SECISBP2L: variants seen among roughly 807,000 people sequenced by gnomAD.
SECISBP2L encodes the protein SECIS binding protein 2 like, also known as selenocysteine insertion sequence-binding protein 2-like.
In SECISBP2L, 43 loss-of-function variants were observed where a neutral mutation model predicts 114.7. The observed-to-expected ratio is 0.38, with a 90% confidence interval of 0.29 to 0.48. SECISBP2L has a LOEUF of 0.48. SECISBP2L is among the 20% of genes least tolerant of loss of function. The probability of loss-of-function intolerance (pLI) is 0.98; values close to 1 mark genes in which losing one functional copy is unlikely to be tolerated. For synonymous variants in SECISBP2L, 451 were observed against 439.7 expected, an observed-to-expected ratio of 1.03 and a Z score of -0.32; for missense variants, 1,136 against 1,301.1, an observed-to-expected ratio of 0.87 and a Z score of 1.95.
chr15:49,014,246 A>T (rs1333077091), intron 11 of SECISBP2L, among the ~76,000 whole-genome samples: 1 of 152,132 alleles, frequency 6.6e-6, no homozygotes, highest in African/African-American at 2.4e-5. Context: ...CTGTAACATT[A>T]CACTCCTTTA....
In SECISBP2L at chr15:49,028,715, G is replaced by C. The variant is rs750393773; in HGVS notation, c.665-33C>G. The C allele has an allele frequency of 8.6e-6, 13 of 1,512,278 alleles. 1 individual carries two copies. In the South Asian group the frequency reaches 1.2e-4, roughly 14 times the overall value. The allele number at this position is 1,512,278 out of a possible 1,614,324, so 93.7% of individuals were successfully genotyped here. ...GGCAAGGAAAGTTTGACAATTCTTT[G>C]TGATGAACAAATTGATAAATTCTCA... On this transcript the variant is annotated intron_variant, in intron 4 of 17. Coordinates refer to ENST00000559471, the MANE Select transcript of SECISBP2L (RefSeq NM_001193489.2).
intron 13 of SECISBP2L, among the ~76,000 whole-genome samples, chr15:49,009,768 C>T (rs1163701426): frequency 6.6e-6 from 1 of 151,982 alleles, no homozygotes; most frequent in African/African-American, 2.4e-5. Context: ...GAAGTCTCCA[C>T]AGGGATGAGG....
At chr15:49,046,055 G>T (rs1309769013) in intron 1 of SECISBP2L, among the ~76,000 whole-genome samples, 3 of 152,182 alleles carry the variant, frequency 2.0e-5, no homozygotes, top group Non-Finnish European at 1.5e-5. Context: ...CGGCAACGGC[G>T]AGCCCTCCGC....
chr15:49,035,754 A>G, intron 2 of SECISBP2L, 96 bp from the exon 3 acceptor site: 1 of 1,097,568 alleles, frequency 9.1e-7, no homozygotes, highest in Non-Finnish European at 1.3e-6. Context: ...AAGACAAAAC[A>G]GAACAGTGGC....
intron 1 of SECISBP2L, among the ~76,000 whole-genome samples, chr15:49,040,686 C>T (rs2141088499): frequency 6.6e-6 from 1 of 151,152 alleles, no homozygotes; most frequent in East Asian, 1.9e-4. Flanking sequence ...CAGGCGCCCA[C>T]CATCACGCCC....
intron 7 of SECISBP2L, among the ~76,000 whole-genome samples, chr15:49,025,325 T>C (rs1447962260): frequency 6.6e-6 from 1 of 152,192 alleles, no homozygotes; most frequent in Non-Finnish European, 1.5e-5. Flanking sequence ...CAGAAGTGTT[T>C]TGAATTTCAG....
intron 1 of SECISBP2L, among the ~76,000 whole-genome samples, chr15:49,045,531 C>T (rs1038403977): frequency 8.5e-5 from 13 of 152,268 alleles, no homozygotes; most frequent in Non-Finnish European, 1.8e-4. Context: ...ACTTTTAACA[C>T]TGTTATCATC....
At chr15:49,027,736 G>C (rs772276781) in intron 6 of SECISBP2L, among the ~76,000 whole-genome samples, 5 of 151,682 alleles carry the variant, frequency 3.3e-5, no homozygotes, top group Non-Finnish European at 7.4e-5. Flanking sequence ...AGCCTCCCAA[G>C]TAGCTGGGAT....
chr15:49,019,983 T>C (rs777834695), intron 7 of SECISBP2L, among the ~76,000 whole-genome samples: 9 of 152,158 alleles, frequency 5.9e-5, no homozygotes, highest in Non-Finnish European at 1.2e-4. Flanking sequence ...CCAAAAAGAC[T>C]GTATGAAGGC....
intron 1 of SECISBP2L, among the ~76,000 whole-genome samples, chr15:49,044,837 A>T (rs1011476475): frequency 3.9e-5 from 6 of 152,176 alleles, no homozygotes; most frequent in African/African-American, 1.4e-4. Flanking sequence ...GGATGAAAGG[A>T]ACTCTAAGTA....
chr15:49,022,437 T>C lies in SECISBP2L; in HGVS notation c.1036-2885A>G, dbSNP rs896975915. On this transcript the variant is annotated intron_variant, in intron 7 of 17. Transcript: ENST00000559471. ...CAACATGGTGAAACCTGGTCTCTAC[T>C]GAAATACAAAAATTAGCCACGTGTG... Among the ~76,000 whole-genome samples the C allele has an allele frequency of 4.6e-5, 7 of 152,254 alleles. No homozygotes were observed. The East Asian group carries it at 1.4e-3, about 29-fold the overall frequency.
rs752363309 is a variant in SECISBP2L, at chr15:49,012,808, G to A, written c.1571C>T (p.Ala524Val). ...TRPLSYTVVT[A>V]ASFHTKDSTN... ...AGAGTCTTTAGTGTGAAAAGAAGCT[G>A]CAGTAACCACTAAAAACAAAGAGGA... Residue 524 changes from alanine to valine, a missense_variant, in exon 12 of 18, where the codon GCA becomes GTA. By Grantham distance (64) the Ala-to-Val change is moderately conservative. Coordinates refer to ENST00000559471, the MANE Select transcript of SECISBP2L (RefSeq NM_001193489.2). The A allele has an allele frequency of 6.2e-7, 1 of 1,606,338 alleles. No individual in the cohort carries two copies.
intron 16 of SECISBP2L, among the ~76,000 whole-genome samples, chr15:48,997,817 C>T (rs1595781498): frequency 6.6e-6 from 1 of 152,132 alleles, no homozygotes; most frequent in South Asian, 2.1e-4. Flanking sequence ...TGTGGTGAGC[C>T]GAGATCATGC....
At chr15:49,032,833 T>C in intron 4 of SECISBP2L, 132 bp downstream of exon 4, 4 of 1,201,028 alleles carry the variant, frequency 3.3e-6, no homozygotes, top group Non-Finnish European at 4.6e-6. Context: ...CCTAGAGAAT[T>C]TCACAAAGTG....
intron 9 of SECISBP2L, 90 bp downstream of exon 9, chr15:49,017,458 G>T: frequency 1.2e-6 from 1 of 809,838 alleles, no homozygotes; most frequent in Non-Finnish European, 2.0e-6. Flanking sequence ...TGCTCCATGT[G>T]CCTTTACACT....
intron 3 of SECISBP2L, 100 bp downstream of exon 3, chr15:49,035,234 A>G (rs1566862606): frequency 2.1e-6 from 2 of 952,656 alleles, no homozygotes; most frequent in Non-Finnish European, 1.6e-6. Context: ...TATGTTTTAT[A>G]GTAAATTCAG....
chr15:49,037,238 T>A (rs1903027651), intron 2 of SECISBP2L, among the ~76,000 whole-genome samples: 2 of 118,594 alleles, frequency 1.7e-5, no homozygotes, highest in African/African-American at 6.7e-5. Flanking sequence ...CACCAGAGAC[T>A]ATCTTGGCAA....
chr15:49,012,677 T>C lies in SECISBP2L; in HGVS notation c.1702A>G (p.Lys568Glu). ...TTAAGTGCTGTGGGTCGTTTTAGTT[T>C]TGCAATTTCCTTCTCTTTTCCTTTT... ...AKKGKEKEIA[K>E]LKRPTALKKV... is the part of the protein sequence containing the mutation. Residue 568 changes from lysine to glutamate, a missense_variant, in exon 12 of 18, where the codon AAA becomes GAA. Around this residue, in one of 2 missense-constraint regions of SECISBP2L, gnomAD observed 684 missense variants for 848.7 expected, o/e 0.81. Coordinates refer to ENST00000559471, the MANE Select transcript of SECISBP2L (RefSeq NM_001193489.2). 6.2e-7 allele frequency: 1 copy of C among 1,613,572 alleles called. No homozygotes were observed. The highest frequency in any genetic ancestry group is 8.5e-7 in the Non-Finnish European group (1 of 1,179,910).
At chr15:49,023,860 C>T (rs1467322692) in intron 7 of SECISBP2L, among the ~76,000 whole-genome samples, 1 of 152,020 alleles carries the variant, frequency 6.6e-6, no homozygotes, top group Non-Finnish European at 1.5e-5. Context: ...AGTGAAAAAA[C>T]TCTGGAAGAC....
Sources: allele counts gnomAD v4.1 joint callset (sites outside exome capture counted in the v4.1 genomes callset), GRCh38; gene constraint gnomAD v4.1.1; regional missense constraint gnomAD v4.1.1; transcripts MANE v1.5; gene names NCBI Gene and HGNC (gene_info 2026-07-23, HGNC 2026-07-21).